Variants in OSBPL10 observed in about 807,000 individuals in gnomAD.
The protein encoded by OSBPL10 is oxysterol binding protein like 10.
A neutral mutation model predicts 81.7 loss-of-function variants in OSBPL10; 49 were observed. The ratio of observed to expected loss-of-function variants is 0.60; its 90% CI spans 0.48 to 0.76. OSBPL10 has a LOEUF of 0.76. Ranked by LOEUF, OSBPL10 falls within the 30% of genes least tolerant of loss-of-function variation. The pLI, the probability that OSBPL10 is intolerant of heterozygous loss-of-function variation, is 0.00. For synonymous variants in OSBPL10, 419 were observed against 383.6 expected, an observed-to-expected ratio of 1.09 and a Z score of -1.08; for missense variants, 923 against 987.8, an observed-to-expected ratio of 0.93 and a Z score of 0.88.
intron 2 of OSBPL10, among the ~76,000 whole-genome samples, chr3:32,027,892 C>T (rs1327977185): frequency 6.6e-6 from 1 of 152,328 alleles, no homozygotes; most frequent in South Asian, 2.1e-4. Flanking sequence ...AAGAGAAGAC[C>T]TTGAGCTTCT....
intron 3 of OSBPL10, among the ~76,000 whole-genome samples, chr3:31,860,627 C>T (rs1701034881): frequency 6.6e-6 from 1 of 152,122 alleles, no homozygotes; most frequent in Non-Finnish European, 1.5e-5. Context: ...TTTTTAGTTT[C>T]TTCTACTCAA....
At chr3:31,688,707 G>A (rs974225952) in intron 7 of OSBPL10, among the ~76,000 whole-genome samples, 1 of 152,178 alleles carries the variant, frequency 6.6e-6, no homozygotes, top group African/African-American at 2.4e-5. Flanking sequence ...CAAGTTTTCA[G>A]TTGCTGCTTC....
intron 1 of OSBPL10, among the ~76,000 whole-genome samples, chr3:31,949,923 A>G (rs1050703581): frequency 4.6e-5 from 7 of 152,134 alleles, no homozygotes; most frequent in Admixed American, 2.0e-4. Flanking sequence ...GCTGCTCTCA[A>G]TGAAAAATTT....
chr3:32,065,521 C>T (rs7619746), intron 1 of OSBPL10: 10,422 of 91,478 alleles, frequency 0.11, 3,256 homozygotes, highest in Middle Eastern at 0.22. Context: ...ACTAGGCCTG[C>T]CCTTGGGCTT....
intron 4 of OSBPL10, among the ~76,000 whole-genome samples, chr3:31,782,609 T>C (rs1357040588): frequency 6.6e-6 from 1 of 151,608 alleles, no homozygotes; most frequent in African/African-American, 2.4e-5. Context: ...AAACAAATAA[T>C]CCCATCAAAA....
chr3:31,809,555 G>A (rs1013956928), intron 4 of OSBPL10, among the ~76,000 whole-genome samples: 4 of 152,162 alleles, frequency 2.6e-5, no homozygotes, highest in South Asian at 2.1e-4. Flanking sequence ...TGGTGGACAC[G>A]GAGGTTTTAA....
At chr3:31,663,934 T>A in intron 11 of OSBPL10, 145 bp downstream of exon 11, 1 of 1,572,088 alleles carries the variant, frequency 6.4e-7, no homozygotes, top group Non-Finnish European at 8.6e-7. Context: ...TGTCCAAAGC[T>A]GGAGTCAGAA....
At chr3:32,069,596 A>T (rs901170099) in intron 1 of OSBPL10, among the ~76,000 whole-genome samples, 6 of 152,226 alleles carry the variant, frequency 3.9e-5, no homozygotes, top group African/African-American at 9.6e-5. Flanking sequence ...CTTATTCTTA[A>T]CATGCATTTT....
chr3:31,899,658 T>C (rs1262736359), intron 1 of OSBPL10, among the ~76,000 whole-genome samples: 1 of 152,050 alleles, frequency 6.6e-6, no homozygotes, highest in East Asian at 1.9e-4. Flanking sequence ...GGAGAGCCTA[T>C]CTCTTTAAAA....
At chr3:31,890,468 G>T (rs954855981) in intron 1 of OSBPL10, among the ~76,000 whole-genome samples, 20 of 152,018 alleles carry the variant, frequency 1.3e-4, no homozygotes, top group African/African-American at 4.8e-4. Flanking sequence ...CATTATGAAG[G>T]TGCTCACTTG....
intron 3 of OSBPL10, among the ~76,000 whole-genome samples, chr3:31,867,982 C>G (rs1466618787): frequency 1.3e-5 from 2 of 152,122 alleles, no homozygotes; most frequent in Non-Finnish European, 2.9e-5. Flanking sequence ...CCTGGTCTTC[C>G]TAGTCCCTCC....
At chr3:31,683,528 A>G (rs767423403) in intron 8 of OSBPL10, 106 bp downstream of exon 8, 7 of 1,468,244 alleles carry the variant, frequency 4.8e-6, no homozygotes, top group Non-Finnish European at 6.4e-6. Context: ...AAAACCAGTT[A>G]AAAACAACAA....
At chr3:31,790,919 T>A (rs1575546327) in intron 4 of OSBPL10, among the ~76,000 whole-genome samples, 1 of 152,218 alleles carries the variant, frequency 6.6e-6, no homozygotes, top group South Asian at 2.1e-4. Flanking sequence ...TTGGAACTCA[T>A]TTTAATGTTC....
intron 1 of OSBPL10, among the ~76,000 whole-genome samples, chr3:31,882,247 T>C (rs1030162452): frequency 6.6e-6 from 1 of 152,240 alleles, no homozygotes; most frequent in Non-Finnish European, 1.5e-5. Context: ...TCAGATGGTC[T>C]GGCCAAGACT....
At chr3:32,031,743 C>T (rs1699471190) in intron 2 of OSBPL10, among the ~76,000 whole-genome samples, 1 of 152,094 alleles carries the variant, frequency 6.6e-6, no homozygotes, top group African/African-American at 2.4e-5. Context: ...CGTAAGCCAC[C>T]GTGCCCAGCC....
intron 3 of OSBPL10, among the ~76,000 whole-genome samples, chr3:31,858,868 G>T (rs1313495422): frequency 6.6e-6 from 1 of 152,208 alleles, no homozygotes; most frequent in Non-Finnish European, 1.5e-5. Flanking sequence ...TTTTAGAGAT[G>T]CTTCTTAGCC....
intron 8 of OSBPL10, among the ~76,000 whole-genome samples, chr3:31,672,124 A>G (rs1700338012): frequency 6.6e-6 from 1 of 151,908 alleles, no homozygotes. Flanking sequence ...CAGTGGAAAG[A>G]GTGAAGAGTG....
chr3:31,791,948 G>T (rs1699020743), intron 4 of OSBPL10, among the ~76,000 whole-genome samples: 1 of 152,030 alleles, frequency 6.6e-6, no homozygotes, highest in Non-Finnish European at 1.5e-5. Flanking sequence ...GAGGGATTTT[G>T]AAACGAGCAA....
chr3:31,905,372 C>T (rs1468602673), intron 1 of OSBPL10, among the ~76,000 whole-genome samples: 9 of 70,624 alleles, frequency 1.3e-4, no homozygotes, highest in African/African-American at 4.2e-4. Flanking sequence ...TTTTTTTAGA[C>T]GGACTCCCGT....
Sources: allele counts gnomAD v4.1 joint callset (sites outside exome capture counted in the v4.1 genomes callset), GRCh38; gene constraint gnomAD v4.1.1; transcripts MANE v1.5; gene names NCBI Gene and HGNC (gene_info 2026-07-23, HGNC 2026-07-21).